Variants in LIMCH1 observed in about 807,000 individuals in gnomAD.
The protein encoded by LIMCH1 is LIM and calponin homology domains 1, also known as LIM and calponin homology domains-containing protein 1.
In LIMCH1, 113 loss-of-function variants were observed where a neutral mutation model predicts 176.5. The ratio of observed to expected loss-of-function variants is 0.64; its 90% CI spans 0.55 to 0.75. The LOEUF (loss-of-function observed/expected upper bound fraction) is 0.75, where lower values mean the gene tolerates loss of function less well. Ranked by LOEUF, LIMCH1 falls within the 30% of genes least tolerant of loss-of-function variation. The pLI is 0.00. For synonymous variants in LIMCH1, 619 were observed against 645.9 expected (o/e 0.96, Z 0.63); for missense variants, 1,674 against 1,814.9 (o/e 0.92, Z 1.41).
intron 1 of LIMCH1, among the ~76,000 whole-genome samples, chr4:41,392,758 G>C (rs932995257): frequency 7.1e-6 from 1 of 141,828 alleles, no homozygotes; most frequent in Non-Finnish European, 1.5e-5. Context: ...TAGGCCAGGC[G>C]CAGTGGCTTA....
intron 1 of LIMCH1, among the ~76,000 whole-genome samples, chr4:41,571,229 G>A (rs2083502640): frequency 6.6e-6 from 1 of 152,042 alleles, no homozygotes; most frequent in South Asian, 2.1e-4. Context: ...TATAGGACAA[G>A]GAGAAGACTG....
intron 1 of LIMCH1, among the ~76,000 whole-genome samples, chr4:41,565,928 G>A (rs2082707016): frequency 6.6e-6 from 1 of 152,128 alleles, no homozygotes; most frequent in South Asian, 2.1e-4. Context: ...TACTAGGCAT[G>A]GCACTAAGCT....
chr4:41,392,739 A>G (rs922149029), intron 1 of LIMCH1, among the ~76,000 whole-genome samples: 6 of 151,528 alleles, frequency 4.0e-5, no homozygotes, highest in Non-Finnish European at 8.8e-5. Flanking sequence ...CACACTATTG[A>G]AAATGTTATA....
At chr4:41,528,246 A>G (rs989804661) in intron 3 of LIMCH1, among the ~76,000 whole-genome samples, 1 of 152,108 alleles carries the variant, frequency 6.6e-6, no homozygotes, top group East Asian at 1.9e-4. Context: ...AGAGAGGAAG[A>G]AAGGGAGGAA....
At chr4:41,604,505 T>TA (rs1477503796) in intron 3 of LIMCH1, among the ~76,000 whole-genome samples, 4 of 152,200 alleles carry the variant, frequency 2.6e-5, no homozygotes, top group Non-Finnish European at 5.9e-5. Context: ...AGCCTCTTTT[T>TA]AAAAAAGTTT....
intron 1 of LIMCH1, among the ~76,000 whole-genome samples, chr4:41,426,108 G>A (rs1284192080): frequency 7.3e-6 from 1 of 136,828 alleles, no homozygotes; most frequent in Admixed American, 8.3e-5. Context: ...TGCAAGTTCC[G>A]CCTCCCGGGT....
intron 4 of LIMCH1, 26 bp downstream of exon 4, chr4:41,606,030 C>T (rs1289876195): frequency 6.7e-7 from 1 of 1,492,802 alleles, no homozygotes; most frequent in African/African-American, 1.4e-5. Flanking sequence ...TTCTTTATCC[C>T]ATAAGCGTTA....
chr4:41,527,736 T>C (rs2076810176), intron 3 of LIMCH1, among the ~76,000 whole-genome samples: 1 of 143,002 alleles, frequency 7.0e-6, no homozygotes, highest in South Asian at 2.2e-4. Flanking sequence ...GGCAGGAGAA[T>C]GGCGTGAACC....
intron 1 of LIMCH1, chr4:41,473,306 G>A: frequency 2.3e-6 from 1 of 432,202 alleles, no homozygotes; most frequent in Non-Finnish European, 3.1e-6. Context: ...CTACCAACGT[G>A]TTGCATAATG....
chr4:41,410,195 C>T (rs1047776105), intron 1 of LIMCH1, among the ~76,000 whole-genome samples: 4 of 152,258 alleles, frequency 2.6e-5, no homozygotes, highest in African/African-American at 4.8e-5. Flanking sequence ...GTATTTTCAT[C>T]GTACTGCCTT....
chr4:41,425,105 T>C (rs1395718604), intron 1 of LIMCH1, among the ~76,000 whole-genome samples: 3 of 152,202 alleles, frequency 2.0e-5, no homozygotes, highest in Non-Finnish European at 2.9e-5. Context: ...TTTGGCCTGA[T>C]ACAAATTGGT....
At position 41,360,851 on chromosome 4, in the gene LIMCH1, C is replaced by T. The variant is rs769692396; in HGVS notation, c.11C>T (p.Pro4Leu). 1.0e-5 allele frequency: 16 copies of T among 1,565,168 alleles called. No homozygotes were observed. The Admixed American group carries it at 2.9e-4, about 28-fold the overall frequency. Residue 4 changes from proline to leucine, a missense_variant, in exon 1 of 27, where the codon CCC (proline) becomes CTC (leucine). Coordinates refer to the LIMCH1 transcript ENST00000313860. The surrounding 1 kb of genome is among the most constrained non-coding windows in gnomAD (Gnocchi z 4.5). ...CGCGGGGCTGCGCAAATGGCTTGTC[C>T]CGCTCTCGGTCTGGAAGCTCTTCAG... is the stretch of plus-strand genomic sequence containing the variant.
At chr4:41,394,680 G>C (rs1174920199) in intron 1 of LIMCH1, among the ~76,000 whole-genome samples, 6 of 152,142 alleles carry the variant, frequency 3.9e-5, no homozygotes. Flanking sequence ...TGTTCCCCTG[G>C]AAATCACATG....
intron 1 of LIMCH1, among the ~76,000 whole-genome samples, chr4:41,396,478 G>A (rs2057809817): frequency 6.6e-6 from 1 of 152,134 alleles, no homozygotes; most frequent in Admixed American, 6.5e-5. Flanking sequence ...CCTCTGTGGG[G>A]ATAGAAAGTT....
intron 1 of LIMCH1, among the ~76,000 whole-genome samples, chr4:41,577,736 A>AT (rs1218537317): frequency 3.3e-5 from 5 of 152,030 alleles, no homozygotes; most frequent in Admixed American, 6.6e-5. Context: ...GCCACAAGTG[A>AT]TTTTTTTTAT....
At chr4:41,666,292 G>T (rs1413780141) in intron 20 of LIMCH1, among the ~76,000 whole-genome samples, 1 of 152,172 alleles carries the variant, frequency 6.6e-6, no homozygotes, top group African/African-American at 2.4e-5. Flanking sequence ...TAATTCCAAA[G>T]ATGTAATATT....
intron 1 of LIMCH1, among the ~76,000 whole-genome samples, chr4:41,594,938 A>G (rs888225322): frequency 6.6e-6 from 1 of 152,092 alleles, no homozygotes; most frequent in African/African-American, 2.4e-5. Flanking sequence ...GAGCATCAAC[A>G]CTCAGCCTTT....
intron 7 of LIMCH1, 135 bp from the exon 8 acceptor site, chr4:41,626,573 T>C (rs1206565180): frequency 2.3e-5 from 17 of 753,452 alleles, no homozygotes; most frequent in Non-Finnish European, 3.6e-5. Context: ...TAGACTGAAA[T>C]AATGAACAGA....
intron 5 of LIMCH1, among the ~76,000 whole-genome samples, chr4:41,617,530 T>C (rs1238471402): frequency 6.6e-6 from 1 of 152,200 alleles, no homozygotes; most frequent in African/African-American, 2.4e-5. Context: ...CTGAGACAGA[T>C]ATACTTGTTT....
Sources: allele counts gnomAD v4.1 joint callset (sites outside exome capture counted in the v4.1 genomes callset), GRCh38; gene constraint gnomAD v4.1.1; non-coding constraint Gnocchi (gnomAD v3.1); transcripts MANE v1.5; gene names NCBI Gene and HGNC (gene_info 2026-07-23, HGNC 2026-07-21).